Variants in DYM observed in about 807,000 individuals in gnomAD.
DYM encodes the protein dymeclin.
In DYM, 78 loss-of-function variants were observed where a neutral mutation model predicts 93.1. The observed-to-expected ratio is 0.84, with a 90% CI of 0.70 to 1.01. DYM has a LOEUF of 1.01. DYM is among the 50% of genes least tolerant of loss of function. The pLI is 0.00. For missense variants in DYM, 789 were observed against 845.0 expected (o/e 0.93, Z 0.82); for synonymous variants, 321 against 319.7 (o/e 1.00, Z -0.04).
At chr18:49,330,324 GTA>G (rs2063219732) in intron 8 of DYM, among the ~76,000 whole-genome samples, 1 of 152,118 alleles carries the variant, frequency 6.6e-6, no homozygotes, top group Non-Finnish European at 1.5e-5. Context: ...AGAAAATTAT[GTA>G]GTAATAATCT....
chr18:49,218,349 A>G (rs928366703), intron 13 of DYM, among the ~76,000 whole-genome samples: 27 of 152,224 alleles, frequency 1.8e-4, no homozygotes, highest in East Asian at 5.8e-4. Context: ...AGATCAACGA[A>G]ACAGAAAGTT....
intron 15 of DYM, among the ~76,000 whole-genome samples, chr18:49,159,015 A>G (rs970551296): frequency 6.6e-6 from 1 of 152,192 alleles, no homozygotes; most frequent in Admixed American, 6.5e-5. Context: ...AAATATATAC[A>G]TCTACTATCT....
At chr18:49,266,514 G>A (rs1426336709) in intron 11 of DYM, among the ~76,000 whole-genome samples, 4 of 152,190 alleles carry the variant, frequency 2.6e-5, no homozygotes, top group Non-Finnish European at 5.9e-5. Context: ...AGGAAGCTGA[G>A]GTAGGAGGAT....
chr18:49,407,039 A>G (rs1345097068), intron 2 of DYM, among the ~76,000 whole-genome samples: 2 of 152,266 alleles, frequency 1.3e-5, no homozygotes, highest in Non-Finnish European at 2.9e-5. Flanking sequence ...AGTGAGATCC[A>G]TAACAACTTC....
intron 1 of DYM, among the ~76,000 whole-genome samples, chr18:49,443,103 C>A (rs1229590619): frequency 6.6e-6 from 1 of 152,110 alleles, no homozygotes; most frequent in Non-Finnish European, 1.5e-5. Flanking sequence ...CCACATTAGC[C>A]TCCCAAAATG....
At chr18:49,108,248 G>A (rs536252826) in intron 16 of DYM, among the ~76,000 whole-genome samples, 112 of 152,308 alleles carry the variant, frequency 7.4e-4, no homozygotes, top group Non-Finnish European at 1.2e-3. Flanking sequence ...TGCTAAGACC[G>A]TTGGAAAAGC....
chr18:49,459,964 G>GGCT (rs767448467), intron 1 of DYM, among the ~76,000 whole-genome samples: 12 of 151,970 alleles, frequency 7.9e-5, no homozygotes, highest in Admixed American at 1.3e-4. Flanking sequence ...GGGTGGTGAT[G>GGCT]GCTGCTCAAC....
chr18:49,429,066 C>T (rs12968230), intron 2 of DYM, among the ~76,000 whole-genome samples: 13,865 of 152,194 alleles, frequency 0.091, 851 homozygotes, highest in East Asian at 0.31. Context: ...GCATCCTTGC[C>T]TCTGCCAGCT....
At chr18:49,343,420 C>T (rs1235966862) in intron 6 of DYM, among the ~76,000 whole-genome samples, 4 of 152,224 alleles carry the variant, frequency 2.6e-5, no homozygotes, top group African/African-American at 4.8e-5. Flanking sequence ...AGTAACAGGA[C>T]TCTGTCTTTG....
chr18:49,439,654 CTAAT>C (rs1232294023), intron 1 of DYM, among the ~76,000 whole-genome samples: 4 of 152,048 alleles, frequency 2.6e-5, no homozygotes, highest in African/African-American at 9.7e-5. Context: ...GTACAATATG[CTAAT>C]TAAAACAATA....
chr18:49,221,424 A>G (rs1050493684), intron 13 of DYM, among the ~76,000 whole-genome samples: 7 of 152,126 alleles, frequency 4.6e-5, no homozygotes, highest in African/African-American at 1.7e-4. Flanking sequence ...CCAAAGGATT[A>G]TAAATCATGC....
chr18:49,093,168 G>A (rs759194344), intron 17 of DYM: 1 of 152,148 alleles, frequency 6.6e-6, no homozygotes, highest in Non-Finnish European at 1.5e-5. Flanking sequence ...AGTGTGCGTG[G>A]GTGAATCAGA....
chr18:49,323,193 A>T (rs1353894862), intron 8 of DYM, among the ~76,000 whole-genome samples: 1 of 152,230 alleles, frequency 6.6e-6, no homozygotes, highest in Non-Finnish European at 1.5e-5. Context: ...TTAAAAAACA[A>T]AAACAAAACA....
intron 16 of DYM, among the ~76,000 whole-genome samples, chr18:49,101,041 C>A (rs889184960): frequency 1.3e-5 from 2 of 152,216 alleles, no homozygotes. Flanking sequence ...ATAAGAGCTT[C>A]TATTTCCTAC....
At chr18:49,220,152 C>T (rs2144013887) in intron 13 of DYM, among the ~76,000 whole-genome samples, 1 of 152,216 alleles carries the variant, frequency 6.6e-6, no homozygotes, top group South Asian at 2.1e-4. Flanking sequence ...CTCCCATTCA[C>T]AATTGCTTCA....
intron 13 of DYM, among the ~76,000 whole-genome samples, chr18:49,251,974 G>A (rs974471548): frequency 1.3e-5 from 2 of 151,956 alleles, no homozygotes; most frequent in Non-Finnish European, 2.9e-5. Flanking sequence ...AGCACTTTGG[G>A]AGGCTAAGGT....
At chr18:49,426,655 T>C (rs2148417594) in intron 2 of DYM, among the ~76,000 whole-genome samples, 1 of 152,014 alleles carries the variant, frequency 6.6e-6, no homozygotes, top group Middle Eastern at 3.4e-3. Flanking sequence ...CAACCTTAAT[T>C]ATTAAAGAAA....
At chr18:49,209,978 C>T (rs1228109249) in intron 13 of DYM, among the ~76,000 whole-genome samples, 1 of 152,114 alleles carries the variant, frequency 6.6e-6, no homozygotes, top group Admixed American at 6.5e-5. Flanking sequence ...CATCATACAT[C>T]ACTAGGAAAA....
chr18:49,167,037 C>T (rs975225501), intron 14 of DYM, among the ~76,000 whole-genome samples: 39 of 145,930 alleles, frequency 2.7e-4, no homozygotes, highest in South Asian at 8.7e-4. Flanking sequence ...TGTGTGTGCG[C>T]GCCTGTGTCC....
Sources: gnomAD v4.1 joint callset for allele counts (sites outside exome capture counted in the v4.1 genomes callset) on GRCh38, gnomAD v4.1.1 for gene constraint, MANE v1.5 for transcripts, NCBI Gene and HGNC (gene_info 2026-07-23, HGNC 2026-07-21) for gene names.